IL6ST: variants seen among roughly 807,000 people sequenced by gnomAD.
The protein encoded by IL6ST is interleukin 6 cytokine family signal transducer, also known as interleukin-6 receptor subunit beta.
In IL6ST, 24 loss-of-function variants were observed where a neutral mutation model predicts 91.3. The observed-to-expected ratio is 0.26, with a 90% confidence interval of 0.19 to 0.37. The LOEUF is 0.37. Among genes scored for constraint, IL6ST ranks in the 10% least tolerant of loss-of-function variants. The probability of loss-of-function intolerance (pLI) is 1.00; values close to 1 mark genes in which losing one functional copy is unlikely to be tolerated. For missense variants in IL6ST, 914 were observed against 1,078.5 expected, an observed-to-expected ratio of 0.85 and a Z score of 2.14; for synonymous variants, 351 against 373.6, an observed-to-expected ratio of 0.94 and a Z score of 0.70.
chr5:55,939,918 A>G lies in IL6ST; in HGVS notation c.*1164T>C, dbSNP rs1489867881. ...GATATTTGCTAAGAACAAGATGTAC[A>G]TTTTTTGGGGTTCTGTTTTGTTTTG... On this transcript the variant is annotated 3_prime_UTR_variant, in exon 17 of 17. Transcript: ENST00000381298. The G allele has an allele frequency of 4.9e-6, 1 of 205,860 alleles. No homozygotes were observed. Among genetic ancestry groups the G allele is most frequent in the African/African-American group, 2.3e-5 (1 of 43,862 alleles). The allele number at this position is 205,860 out of a possible 1,614,324, so 12.8% of individuals were successfully genotyped here. A position where few individuals can be genotyped will look rare whatever the true frequency, so the allele number is the denominator to read the frequency against.
Position 55,969,634 on chromosome 5 carries a change from A to T in IL6ST, c.286T>A (p.Ser96Thr). The T allele has an allele frequency of 6.2e-7, 1 of 1,611,392 alleles. No individual in the cohort carries two copies. Among genetic ancestry groups the T allele is most frequent in the South Asian group, 1.1e-5 (1 of 91,010 alleles). Residue 96 changes from serine to threonine, a missense_variant, in exon 4 of 17, where the codon TCA becomes ACA. Transcript: ENST00000381298. ...TTGCAAGTGAGCTGAATATTTAATGAAGCTATATCTGTAAAGGTGACACTG... is the reference window on the plus strand; with the variant it reads ...TTGCAAGTGAGCTGAATATTTAATGTAGCTATATCTGTAAAGGTGACACTG... ...ASSVTFTDIA[S>T]LNIQLTCNIL...
chr5:55,970,581 G>A (rs547268259), intron 3 of IL6ST, among the ~76,000 whole-genome samples: 35 of 152,182 alleles, frequency 2.3e-4, no homozygotes, highest in African/African-American at 6.5e-4. Context: ...CCAGCTATTC[G>A]GGAGGCTGAA....
At chr5:55,975,481 A>T (rs1214858800) in intron 3 of IL6ST, among the ~76,000 whole-genome samples, 5 of 152,074 alleles carry the variant, frequency 3.3e-5, no homozygotes, top group Non-Finnish European at 5.9e-5. Context: ...TTCTTTATAA[A>T]TTACCCAGTC....
intron 3 of IL6ST, among the ~76,000 whole-genome samples, chr5:55,975,461 A>G (rs529529563): frequency 2.0e-5 from 3 of 152,172 alleles, no homozygotes; most frequent in African/African-American, 4.8e-5. Context: ...CTGTGAATCA[A>G]TTAAACCTTT....
chr5:55,974,175 A>T, intron 3 of IL6ST, among the ~76,000 whole-genome samples: 1 of 152,220 alleles, frequency 6.6e-6, no homozygotes, highest in East Asian at 1.9e-4. Context: ...CTGTAGTCAG[A>T]TTGGTTTTGG....
chr5:55,983,079 A>G (rs1319575794), intron 1 of IL6ST, among the ~76,000 whole-genome samples: 1 of 150,396 alleles, frequency 6.6e-6, no homozygotes, highest in East Asian at 1.9e-4. Flanking sequence ...AGCTCACTGC[A>G]GCTTGAACTT....
rs1750714204 is a variant in IL6ST at position 55,939,065 on chromosome 5, T to G, written c.*2017A>C. The G allele has an allele frequency of 4.8e-6, 1 of 206,192 alleles. No individual in the cohort carries two copies. The highest frequency in any genetic ancestry group is 9.9e-6 in the Non-Finnish European group (1 of 100,978). The allele number at this position is 206,192 out of a possible 1,614,324, so 12.8% of individuals were successfully genotyped here. On this transcript the variant is annotated 3_prime_UTR_variant, in exon 17 of 17. Transcript: ENST00000381298. ...CAACATTCTTCATGACACTATTTGTTATGAGGAAAGTTGCAGCTAAATATT... is the reference window on the plus strand; with the variant it reads ...CAACATTCTTCATGACACTATTTGTGATGAGGAAAGTTGCAGCTAAATATT...
intron 11 of IL6ST, among the ~76,000 whole-genome samples, chr5:55,953,926 G>A (rs1751801655): frequency 1.3e-5 from 2 of 152,224 alleles, no homozygotes; most frequent in African/African-American, 4.8e-5. Context: ...GTTGAAGGCT[G>A]CAGTCAGCCA....
chr5:55,972,177 TATGA>T (rs1479687550), intron 3 of IL6ST, among the ~76,000 whole-genome samples: 1 of 152,158 alleles, frequency 6.6e-6, no homozygotes, highest in African/African-American at 2.4e-5. Flanking sequence ...AGAGACTCAG[TATGA>T]ATAATTTTTA....
chr5:55,977,146 A>G (rs1048754911), intron 2 of IL6ST, among the ~76,000 whole-genome samples: 2 of 152,248 alleles, frequency 1.3e-5, no homozygotes, highest in Non-Finnish European at 2.9e-5. Context: ...ACAAAAAAAA[A>G]AGAGTATGAA....
chr5:55,952,335 G>A lies in IL6ST; in HGVS notation c.1467C>T (p.Ser489=). The change falls in exon 12 of 17, where the codon AGC becomes AGT. Residue 489 remains serine, a synonymous_variant. Coordinates refer to ENST00000381298, the MANE Select transcript of IL6ST (RefSeq NM_002184.4). ...GAGTAACTGTTATCAAATAGCATTT[G>A]CTCTCTGCTAAGTTCCCTAAAGCAA... is the stretch of plus-strand genomic sequence containing the variant. ...RTYLRGNLAE[S]KCYLITVTPV... is the part of the protein sequence containing the mutation. The A allele has an allele frequency of 6.3e-7, 1 of 1,594,360 alleles. No individual in the cohort carries two copies. The highest frequency in any genetic ancestry group is 1.1e-5 in the South Asian group (1 of 88,742).
chr5:55,962,219 A>G (rs1752361665), intron 7 of IL6ST, among the ~76,000 whole-genome samples: 1 of 152,212 alleles, frequency 6.6e-6, no homozygotes, highest in African/African-American at 2.4e-5. Flanking sequence ...CATTAATCCA[A>G]TTTTGTTTTA....
chr5:55,989,623 A>T (rs1754199828), intron 1 of IL6ST, among the ~76,000 whole-genome samples: 1 of 152,180 alleles, frequency 6.6e-6, no homozygotes, highest in Non-Finnish European at 1.5e-5. Context: ...ATAAAAGCTC[A>T]AGCTTTTATT....
intron 1 of IL6ST, among the ~76,000 whole-genome samples, chr5:55,985,819 A>T (rs924353288): frequency 7.9e-5 from 12 of 152,206 alleles, no homozygotes; most frequent in African/African-American, 2.9e-4. Flanking sequence ...TGTATGAGGT[A>T]GGAGGTAAAT....
At chr5:55,971,437 T>C (rs895472464) in intron 3 of IL6ST, among the ~76,000 whole-genome samples, 1 of 152,234 alleles carries the variant, frequency 6.6e-6, no homozygotes, top group Non-Finnish European at 1.5e-5. Flanking sequence ...TTAGGACATT[T>C]GTCTACTTTA....
At chr5:55,951,710 T>C in intron 13 of IL6ST, 106 bp from the exon 14 acceptor site, 1 of 1,112,374 alleles carries the variant, frequency 9.0e-7, no homozygotes, top group Non-Finnish European at 1.3e-6. Context: ...AGTATTTTTG[T>C]TGGAAAACAA....
chr5:55,976,305 A>G lies in IL6ST; in HGVS notation c.-15-12T>C. 6.7e-7 allele frequency: 1 copy of G among 1,500,152 alleles called. No homozygotes were observed. Among genetic ancestry groups the G allele is most frequent in the East Asian group, 2.4e-5 (1 of 41,438 alleles). The allele number at this position is 1,500,152 out of a possible 1,614,324, so 92.9% of individuals were successfully genotyped here. On this transcript the variant is annotated splice_polypyrimidine_tract_variant and intron_variant, in intron 2 of 16. Coordinates refer to ENST00000381298, the MANE Select transcript of IL6ST (RefSeq NM_002184.4). ...TTGCGCGGATATTTCTGCAACAGACACATGTAATATTACTTTTAATATTTT... is the reference window on the plus strand; with the variant it reads ...TTGCGCGGATATTTCTGCAACAGACGCATGTAATATTACTTTTAATATTTT...
intron 3 of IL6ST, among the ~76,000 whole-genome samples, chr5:55,975,300 A>G (rs1753221753): frequency 6.6e-6 from 1 of 152,008 alleles, no homozygotes; most frequent in African/African-American, 2.4e-5. Context: ...TGGTCATTTA[A>G]AAGTTTGTAG....
chr5:55,975,563 G>A (rs1753241675), intron 3 of IL6ST, among the ~76,000 whole-genome samples: 2 of 152,084 alleles, frequency 1.3e-5, no homozygotes, highest in South Asian at 4.1e-4. Context: ...TTGTAGAGAT[G>A]GGGCCTTGCT....
Sources: gnomAD v4.1 joint callset for allele counts (sites outside exome capture counted in the v4.1 genomes callset) on GRCh38, gnomAD v4.1.1 for gene constraint, MANE v1.5 for transcripts, NCBI Gene and HGNC (gene_info 2026-07-23, HGNC 2026-07-21) for gene names.